The following MAPK14 variants were observed in gnomAD, a reference collection of about 807,000 sequenced individuals.
MAPK14 encodes mitogen-activated protein kinase 14.
Under a neutral mutation model 49.6 loss-of-function variants are expected in MAPK14, and 16 were observed. That is an observed-to-expected ratio of 0.32 (90% CI 0.22 to 0.49). The LOEUF (loss-of-function observed/expected upper bound fraction) is 0.49, where lower values mean the gene tolerates loss of function less well. MAPK14 is among the 20% of genes least tolerant of loss of function. The probability of loss-of-function intolerance (pLI) is 0.99; values close to 1 mark genes in which losing one functional copy is unlikely to be tolerated. For synonymous variants in MAPK14, 142 were observed against 158.0 expected, an observed-to-expected ratio of 0.90 and a Z score of 0.76; for missense variants, 200 against 441.2, an observed-to-expected ratio of 0.45 and a Z score of 4.90.
At chr6:36,057,639 T>C (rs952230841) in intron 2 of MAPK14, among the ~76,000 whole-genome samples, 2 of 151,860 alleles carry the variant, frequency 1.3e-5, no homozygotes, top group Non-Finnish European at 2.9e-5. Flanking sequence ...GAATCACTTA[T>C]ACCCAGGAGG....
chr6:36,061,828 C>T (rs1001358383), intron 3 of MAPK14, among the ~76,000 whole-genome samples: 3 of 152,248 alleles, frequency 2.0e-5, no homozygotes, highest in South Asian at 4.1e-4. Context: ...GAATTGAGGT[C>T]GTTGACTTCT....
At chr6:36,111,933 G>A (rs1229752534), downstream of MAPK14, among the ~76,000 whole-genome samples, 1 of 152,190 alleles carries the variant, frequency 6.6e-6, no homozygotes, top group African/African-American at 2.4e-5. Flanking sequence ...TTGGCCGGGC[G>A]TGGTGGCTCA....
intron 2 of MAPK14, among the ~76,000 whole-genome samples, chr6:36,056,415 C>T (rs1314662136): frequency 6.6e-6 from 1 of 152,136 alleles, no homozygotes; most frequent in Non-Finnish European, 1.5e-5. Context: ...AATGTATTTG[C>T]CAATTATTAT....
chr6:36,076,283 A>C (rs1206869814), intron 7 of MAPK14, among the ~76,000 whole-genome samples: 1 of 152,198 alleles, frequency 6.6e-6, no homozygotes, highest in East Asian at 1.9e-4. Flanking sequence ...CCATTCTACT[A>C]ATAAGAAACT....
rs1349623924 is a variant in MAPK14, at chr6:36,050,366, C to T, written c.117-2333C>T. ...TTGTTGTAGTCAGGGTACAAGTAAA[C>T]TAGAGGTAACTAGGTTTTTGATGAA... On this transcript the variant is annotated intron_variant, in intron 1 of 11. Coordinates refer to ENST00000229794, the MANE Select transcript of MAPK14 (RefSeq NM_139012.3). Among the ~76,000 whole-genome samples, 4 of 152,278 alleles carry T rather than the reference C, an allele frequency of 2.6e-5. No homozygotes were observed. In the East Asian group the frequency reaches 5.8e-4, roughly 22 times the overall value.
chr6:36,083,969 T>A (rs984348307), intron 8 of MAPK14, among the ~76,000 whole-genome samples: 4 of 152,168 alleles, frequency 2.6e-5, no homozygotes, highest in Non-Finnish European at 4.4e-5. Context: ...GGTGCCCCTC[T>A]GGGACGGAGC....
chr6:36,098,829 T>C (rs766076246), intron 9 of MAPK14, among the ~76,000 whole-genome samples: 1 of 152,232 alleles, frequency 6.6e-6, no homozygotes, highest in Non-Finnish European at 1.5e-5. Context: ...TCATTTGTTA[T>C]GTGATTTGTT....
chr6:36,049,276 A>G (rs955211437), intron 1 of MAPK14, among the ~76,000 whole-genome samples: 8 of 152,146 alleles, frequency 5.3e-5, no homozygotes, highest in African/African-American at 1.9e-4. Flanking sequence ...GTCAAAAAGT[A>G]AATTCTATTT....
Position 36,028,556 on chromosome 6 carries a change from G to T in MAPK14, c.116+283G>T, listed in dbSNP as rs949175496. Among the ~76,000 whole-genome samples, 2 of 152,204 alleles carry T rather than the reference G, an allele frequency of 1.3e-5. No individual in the cohort carries two copies. The highest frequency in any genetic ancestry group is 2.4e-5 in the African/African-American group (1 of 41,464). On this transcript the variant is annotated intron_variant, in intron 1 of 11. Transcript: ENST00000229794. The surrounding 1 kb of genome is among the most constrained non-coding windows in gnomAD (Gnocchi z 5.1). ...TAGCACCCTGCGCCTTCCCCTCTCG[G>T]AGGGTTGCTGCTCGGCAACAGGCAC...
chr6:36,082,744 T>A (rs1009341805), intron 8 of MAPK14, among the ~76,000 whole-genome samples: 1 of 152,128 alleles, frequency 6.6e-6, no homozygotes, highest in Non-Finnish European at 1.5e-5. Flanking sequence ...ACCTCCAACA[T>A]TGGGGATCAC....
intron 1 of MAPK14, among the ~76,000 whole-genome samples, chr6:36,043,872 A>G (rs56715462): frequency 0.17 from 22,825 of 136,064 alleles, 2,445 homozygotes; most frequent in African/African-American, 0.33. Flanking sequence ...GTGCAATGGC[A>G]CAATCTCAGC....
intron 8 of MAPK14, among the ~76,000 whole-genome samples, chr6:36,080,646 C>T (rs1443678516): frequency 6.6e-6 from 1 of 152,166 alleles, no homozygotes; most frequent in Admixed American, 6.5e-5. Flanking sequence ...AATAATGCTG[C>T]AGTGAACATT....
chr6:36,084,549 C>T (rs568160865), intron 8 of MAPK14, among the ~76,000 whole-genome samples: 1 of 152,232 alleles, frequency 6.6e-6, no homozygotes, highest in East Asian at 1.9e-4. Flanking sequence ...ATAATGCAAC[C>T]ACAAGTATCA....
intron 8 of MAPK14, among the ~76,000 whole-genome samples, chr6:36,088,116 A>G (rs1013653885): frequency 6.6e-6 from 1 of 152,224 alleles, no homozygotes; most frequent in Non-Finnish European, 1.5e-5. Context: ...CACCTTATAC[A>G]AAAATTAACT....
chr6:36,081,083 A>G (rs1252646014), intron 8 of MAPK14, among the ~76,000 whole-genome samples: 3 of 152,130 alleles, frequency 2.0e-5, no homozygotes, highest in Non-Finnish European at 4.4e-5. Context: ...TATCAGATAC[A>G]TGATTTGCAA....
chr6:36,039,143 A>G (rs546669438), intron 1 of MAPK14, among the ~76,000 whole-genome samples: 3 of 152,278 alleles, frequency 2.0e-5, no homozygotes, highest in Admixed American at 6.5e-5. Flanking sequence ...ATGTGATCCT[A>G]TAAAAACCCA....
rs141862233 is a variant in MAPK14, at chr6:36,034,618, G to A, written c.116+6345G>A. 4.3e-4 allele frequency among the ~76,000 whole-genome samples: 65 copies of A among 152,238 alleles called. No individual in the cohort carries two copies. The East Asian group carries it at 0.011, about 25-fold the overall frequency. Reference sequence around the variant, plus strand: ...GCTATGGAAGTCATGCAGCTGTTTCGTCAGGAAAATAACCAAAAACTTCTT... The same window carrying A: ...GCTATGGAAGTCATGCAGCTGTTTCATCAGGAAAATAACCAAAAACTTCTT... On this transcript the variant is annotated intron_variant, in intron 1 of 11. Coordinates refer to ENST00000229794, the MANE Select transcript of MAPK14 (RefSeq NM_139012.3).
intron 7 of MAPK14, 41 bp from the exon 8 acceptor site, chr6:36,076,496 G>T (rs757320668): frequency 7.1e-7 from 1 of 1,411,832 alleles, no homozygotes; most frequent in Non-Finnish European, 1.0e-6. Context: ...AATTGTAACA[G>T]TGACATTGCA....
intron 10 of MAPK14, among the ~76,000 whole-genome samples, chr6:36,104,864 A>G (rs191600094): frequency 6.6e-6 from 1 of 152,200 alleles, no homozygotes; most frequent in East Asian, 1.9e-4. Context: ...TAGGTCACAT[A>G]CCTCCTGATA....
Sources: allele counts gnomAD v4.1 joint callset (sites outside exome capture counted in the v4.1 genomes callset), GRCh38; gene constraint gnomAD v4.1.1; non-coding constraint Gnocchi (gnomAD v3.1); transcripts MANE v1.5; gene names NCBI Gene and HGNC (gene_info 2026-07-23, HGNC 2026-07-21).